The following USH2A variants were observed in gnomAD, a reference collection of about 807,000 sequenced individuals.
USH2A encodes the protein usherin.
A neutral mutation model predicts 538.9 loss-of-function variants in USH2A; 443 were observed. The observed-to-expected ratio is 0.82, with a 90% CI of 0.76 to 0.89. The LOEUF is 0.89. Among genes scored for constraint, USH2A ranks in the 40% least tolerant of loss-of-function variants. USH2A has a pLI of 0.00. For missense variants in USH2A, 6,633 were observed against 6,324.8 expected, an observed-to-expected ratio of 1.05 and a Z score of -1.65; for synonymous variants, 2,413 against 2,273.5, an observed-to-expected ratio of 1.06 and a Z score of -1.75.
At chr1:215,923,275 ACACT>A (rs1666148963) in intron 38 of USH2A, among the ~76,000 whole-genome samples, 1 of 152,100 alleles carries the variant, frequency 6.6e-6, no homozygotes, top group Non-Finnish European at 1.5e-5. Flanking sequence ...AAACAAAAAA[ACACT>A]CAAGGGAAAG....
intron 3 of USH2A, among the ~76,000 whole-genome samples, chr1:216,377,044 C>G (rs575811192): frequency 1.3e-5 from 2 of 152,146 alleles, no homozygotes; most frequent in South Asian, 4.2e-4. Flanking sequence ...TTTGTGTCTT[C>G]TTAGATTTTT....
intron 62 of USH2A, among the ~76,000 whole-genome samples, chr1:215,676,077 T>C (rs1658014477): frequency 6.6e-6 from 1 of 152,200 alleles, no homozygotes; most frequent in Non-Finnish European, 1.5e-5. Flanking sequence ...CATTTGTTGT[T>C]ACAGAGTGCC....
At chr1:216,010,501 CT>C (rs1484718673) in intron 32 of USH2A, among the ~76,000 whole-genome samples, 1 of 151,868 alleles carries the variant, frequency 6.6e-6, no homozygotes, top group African/African-American at 2.4e-5. Flanking sequence ...TGGAAGCCCC[CT>C]AGACCATCAC....
At position 216,323,736 on chromosome 1, in the gene USH2A, C is replaced by T. The variant is rs770910780; in HGVS notation, c.1329-41G>A. ...ATTCGATGTCATGAAAATCTATTCACATTTTTGGCAAAACAGAAATCAAAA... is the reference window on the plus strand; with the variant it reads ...ATTCGATGTCATGAAAATCTATTCATATTTTTGGCAAAACAGAAATCAAAA... On this transcript the variant is annotated intron_variant, in intron 7 of 71. Coordinates refer to ENST00000307340, the MANE Select transcript of USH2A (RefSeq NM_206933.4). The T allele has an allele frequency of 1.1e-5, 18 of 1,595,582 alleles. No homozygotes were observed. In the South Asian group the frequency reaches 1.2e-4, roughly 11 times the overall value.
chr1:216,344,598 C>T (rs534559427), intron 4 of USH2A, among the ~76,000 whole-genome samples: 16 of 151,986 alleles, frequency 1.1e-4, no homozygotes, highest in African/African-American at 3.9e-4. Flanking sequence ...AGGAGACTCC[C>T]CTGACCCAAA....
chr1:216,331,831 C>T (rs551204971), intron 4 of USH2A, among the ~76,000 whole-genome samples: 20 of 151,932 alleles, frequency 1.3e-4, no homozygotes, highest in East Asian at 3.9e-4. Context: ...ATTGAGGAAA[C>T]GAATAAAAGG....
rs1662240214 is a variant in USH2A at position 215,799,156 on chromosome 1, A to C, written c.9740-31T>G. ...AATTTAGGACAATAATAATCATTAC[A>C]TCAGTTAAAAAAATATGCTATGACT... On this transcript the variant is annotated intron_variant, in intron 49 of 71. Coordinates refer to ENST00000307340, the MANE Select transcript of USH2A (RefSeq NM_206933.4). The C allele has an allele frequency of 2.5e-6, 4 of 1,590,596 alleles. No homozygotes were observed. In the Admixed American group the frequency reaches 6.9e-5, roughly 28 times the overall value.
At chr1:215,998,559 T>G (rs1668189624) in intron 34 of USH2A, among the ~76,000 whole-genome samples, 1 of 152,100 alleles carries the variant, frequency 6.6e-6, no homozygotes, top group Admixed American at 6.6e-5. Flanking sequence ...GAAATAACCT[T>G]ATGAATCCTA....
intron 52 of USH2A, among the ~76,000 whole-genome samples, chr1:215,784,625 T>C (rs994581475): frequency 6.6e-6 from 1 of 152,194 alleles, no homozygotes; most frequent in Non-Finnish European, 1.5e-5. Flanking sequence ...TTGTCAGCAC[T>C]GGTATTGTCA....
intron 9 of USH2A, among the ~76,000 whole-genome samples, chr1:216,301,882 A>G (rs2037222495): frequency 6.6e-6 from 1 of 152,116 alleles, no homozygotes; most frequent in Admixed American, 6.6e-5. Flanking sequence ...AAGAGCCTAA[A>G]TCTCTAATAA....
chr1:216,246,466 CAGT>C lies in USH2A; in HGVS notation c.2809+116_2809+118del, dbSNP rs1227261364. On this transcript the variant is annotated intron_variant, in intron 13 of 71. Transcript: ENST00000307340. ...TATGTGTTGGATAATGATATAAATA[CAGT>C]AATGATTTTGGAAATAAAATTTGTA... 11 of 1,251,882 alleles carry C rather than the reference CAGT, an allele frequency of 8.8e-6. No individual in the cohort carries two copies. The East Asian group carries it at 2.2e-4, about 25-fold the overall frequency. The allele number at this position is 1,251,882 out of a possible 1,614,324, so 77.5% of individuals were successfully genotyped here. A position where few individuals can be genotyped will look rare whatever the true frequency, so the allele number is the denominator to read the frequency against.
chr1:216,082,820 G>T (rs918561608), intron 26 of USH2A, among the ~76,000 whole-genome samples: 8 of 152,048 alleles, frequency 5.3e-5, no homozygotes, highest in African/African-American at 1.9e-4. Flanking sequence ...TACCTATGTG[G>T]ACACATAAAT....
In USH2A at chr1:215,782,753, G is replaced by C; in HGVS notation, c.10570C>G (p.Pro3524Ala). The C allele has an allele frequency of 1.2e-6, 2 of 1,613,668 alleles. No homozygotes were observed. Among genetic ancestry groups the C allele is most frequent in the Middle Eastern group, 1.7e-4 (1 of 5,914 alleles). The change falls in exon 53 of 72, where the codon CCT becomes GCT. Residue 3524 changes from proline to alanine, a missense_variant. Transcript: ENST00000307340. The stretch of plus-strand genomic sequence containing the variant: ...ATCTCAATACCATTTGATTGTATAG[G>C]TTTTCTCCAGTTTAAGACAATTGTA... ...EDTIVLNWRK[P>A]IQSNGPIIYY...
At chr1:216,057,681 CA>C (rs139612260) in intron 30 of USH2A, among the ~76,000 whole-genome samples, 4,341 of 151,868 alleles carry the variant, frequency 0.029, 83 homozygotes, top group South Asian at 0.065. Context: ...AGCAAGATTC[CA>C]TCTCAAATTA....
At chr1:215,654,323 C>T (rs111803909) in intron 64 of USH2A, among the ~76,000 whole-genome samples, 44 of 152,160 alleles carry the variant, frequency 2.9e-4, no homozygotes, top group African/African-American at 1.0e-3. Context: ...CTCCCCCAGC[C>T]TCCACCCTCT....
intron 13 of USH2A, among the ~76,000 whole-genome samples, chr1:216,233,104 A>C (rs449118): frequency 0.96 from 145,547 of 152,212 alleles, 69,626 homozygotes; most frequent in African/African-American, 0.99. Flanking sequence ...TTTGAAACTA[A>C]CTGATGACTT....
rs191051280 is a variant in USH2A, at chr1:215,881,186, C to A, written c.8224-2088G>T. 5.6e-3 allele frequency among the ~76,000 whole-genome samples: 847 copies of A among 152,270 alleles called. 5 individuals are homozygous for A. The highest frequency in any genetic ancestry group is 0.01 in the Middle Eastern group (3 of 294). ...GACAGCGTCTCACTCTGTCACCCAG[C>A]CTGGAGTGCAGCGGTGCGATTTCAG... On this transcript the variant is annotated intron_variant, in intron 41 of 71. Transcript: ENST00000307340.
intron 21 of USH2A, among the ~76,000 whole-genome samples, chr1:216,151,178 C>T (rs2033824519): frequency 6.6e-6 from 1 of 152,078 alleles, no homozygotes; most frequent in African/African-American, 2.4e-5. Flanking sequence ...CCCCATCAGT[C>T]CCCATTACAA....
chr1:216,068,697 G>A (rs991645087), intron 30 of USH2A, among the ~76,000 whole-genome samples: 3 of 152,078 alleles, frequency 2.0e-5, no homozygotes, highest in Non-Finnish European at 4.4e-5. Context: ...GATAGGATAA[G>A]AGAAGCTTTG....
Sources: gnomAD v4.1 joint callset for allele counts (sites outside exome capture counted in the v4.1 genomes callset) on GRCh38, gnomAD v4.1.1 for gene constraint, MANE v1.5 for transcripts, NCBI Gene and HGNC (gene_info 2026-07-23, HGNC 2026-07-21) for gene names.